CCND3: variants seen among roughly 807,000 people sequenced by gnomAD.
CCND3 encodes the protein G1/S-specific cyclin-D3.
In CCND3, 9 loss-of-function variants were observed where a neutral mutation model predicts 28.7. That is an observed-to-expected ratio of 0.31 (90% CI 0.19 to 0.55). CCND3 has a LOEUF of 0.55. Among genes scored for constraint, CCND3 ranks in the 20% least tolerant of loss-of-function variants. The probability of loss-of-function intolerance (pLI) is 0.93; values close to 1 mark genes in which losing one functional copy is unlikely to be tolerated. For synonymous variants in CCND3, 164 were observed against 163.9 expected (o/e 1.00, Z 0.00); for missense variants, 315 against 385.8 (o/e 0.82, Z 1.54).
intron 1 of CCND3, among the ~76,000 whole-genome samples, chr6:41,951,412 G>T (rs1776308452): frequency 7.5e-6 from 1 of 134,152 alleles, no homozygotes. Flanking sequence ...AAATTAGCCG[G>T]GCATGGTAGC....
intron 1 of CCND3, among the ~76,000 whole-genome samples, chr6:41,955,466 A>C (rs1776413570): frequency 6.6e-6 from 1 of 152,164 alleles, no homozygotes. Context: ...CTACATCAAC[A>C]GATACCAAAA....
chr6:42,000,520 G>C (rs1285705018), intron 1 of CCND3, among the ~76,000 whole-genome samples: 1 of 140,086 alleles, frequency 7.1e-6, no homozygotes, highest in Non-Finnish European at 1.5e-5. Context: ...GAGCCACCGC[G>C]CCCGGCCTGA....
At chr6:42,027,194 C>G (rs1258478202) in intron 1 of CCND3, among the ~76,000 whole-genome samples, 2 of 152,186 alleles carry the variant, frequency 1.3e-5, no homozygotes, top group African/African-American at 4.8e-5. Context: ...AATCCCAGCA[C>G]TTTGGGAGGC....
At chr6:41,982,091 G>A (rs1427854441) in intron 1 of CCND3, among the ~76,000 whole-genome samples, 3 of 151,616 alleles carry the variant, frequency 2.0e-5, no homozygotes, top group East Asian at 2.0e-4. Context: ...CCAACACTGA[G>A]AAACCCTGTC....
intron 1 of CCND3, among the ~76,000 whole-genome samples, chr6:41,971,174 TCC>T (rs1242065893): frequency 6.6e-6 from 1 of 152,192 alleles, no homozygotes; most frequent in African/African-American, 2.4e-5. Flanking sequence ...AGCCTCGGCA[TCC>T]CAAAGTGTTG....
At chr6:41,942,005 A>C (rs906095182), upstream of CCND3, among the ~76,000 whole-genome samples, 14 of 152,004 alleles carry the variant, frequency 9.2e-5, no homozygotes, top group Non-Finnish European at 1.8e-4. Context: ...CACCGGGTGC[A>C]GAGAACTTTC....
chr6:41,984,406 G>A (rs1219994765), intron 1 of CCND3, among the ~76,000 whole-genome samples: 1 of 152,132 alleles, frequency 6.6e-6, no homozygotes, highest in East Asian at 1.9e-4. Flanking sequence ...GAGTGCAATG[G>A]CACAATCTCT....
chr6:41,964,023 G>A (rs571467221), intron 1 of CCND3, among the ~76,000 whole-genome samples: 98 of 152,316 alleles, frequency 6.4e-4, no homozygotes, highest in African/African-American at 2.3e-3. Context: ...CTAGCCAGAG[G>A]GAAGTAATCA....
At chr6:42,040,486 G>GC (rs1220865391) in intron 1 of CCND3, among the ~76,000 whole-genome samples, 1 of 152,054 alleles carries the variant, frequency 6.6e-6, no homozygotes, top group Non-Finnish European at 1.5e-5. Flanking sequence ...CAGCCACCAG[G>GC]CTCTCAATAC....
chr6:41,987,054 C>T (rs1283308683), intron 1 of CCND3, among the ~76,000 whole-genome samples: 1 of 152,018 alleles, frequency 6.6e-6, no homozygotes, highest in Admixed American at 6.6e-5. Flanking sequence ...GTGTAAATTC[C>T]TAATGTATGC....
intron 1 of CCND3, among the ~76,000 whole-genome samples, chr6:41,957,477 G>A (rs1353257158): frequency 6.6e-6 from 1 of 152,120 alleles, no homozygotes; most frequent in Non-Finnish European, 1.5e-5. Flanking sequence ...CCTAGCTCCT[G>A]GCCCATCTGT....
rs151018237 is a variant in CCND3 at position 41,960,168 on chromosome 6, G to A, written c.-45-19583C>T. ...ATATTAATATGATTCCACTTATTTG[G>A]AACATCCAGAACAGGCAAATCTATA... On this transcript the variant is annotated intron_variant, in intron 1 of 4. Transcript: ENST00000372988. 2.7e-4 allele frequency among the ~76,000 whole-genome samples: 41 copies of A among 152,214 alleles called. 2 individuals are homozygous for A. In the East Asian group the frequency reaches 6.4e-3, roughly 24 times the overall value.
At chr6:41,964,508 G>A (rs1490047150) in intron 1 of CCND3, among the ~76,000 whole-genome samples, 1 of 151,892 alleles carries the variant, frequency 6.6e-6, no homozygotes, top group Non-Finnish European at 1.5e-5. Context: ...GAGTGTGTGT[G>A]TGTGTGAGTG....
chr6:42,028,051 G>A (rs773053842), intron 1 of CCND3, among the ~76,000 whole-genome samples: 11 of 152,306 alleles, frequency 7.2e-5, no homozygotes, highest in East Asian at 1.9e-4. Context: ...CCGGCCGCCC[G>A]TTATGAAATG....
In CCND3 at chr6:41,941,706, GACGGGCCGGAGAGC is replaced by G; in HGVS notation, c.-71_-58del. ...CGGGCTCGCGAGTCCCAAGGCAGGCGACGGGCCGGAGAGCGCGGGGCGCGGGTCTGGCGCTGGCG... is the reference window on the plus strand; with the variant it reads ...CGGGCTCGCGAGTCCCAAGGCAGGCGGCGGGGCGCGGGTCTGGCGCTGGCG... On this transcript the variant is annotated 5_prime_UTR_variant, in exon 1 of 5. Transcript: ENST00000372991. This position sits in a 1 kb window ranked among gnomAD's most constrained non-coding sequence, Gnocchi z 6.1. 8.1e-7 allele frequency: 1 copy of G among 1,229,962 alleles called. No homozygotes were observed. Among genetic ancestry groups the G allele is most frequent in the Non-Finnish European group, 1.0e-6 (1 of 962,064 alleles). 76.2% of individuals were successfully genotyped at this position (1,229,962 alleles called of 1,614,324 possible). A position where few individuals can be genotyped will look rare whatever the true frequency, so the allele number is the denominator to read the frequency against.
intron 1 of CCND3, among the ~76,000 whole-genome samples, chr6:42,034,294 C>T (rs1290444856): frequency 2.7e-5 from 4 of 150,826 alleles, no homozygotes; most frequent in African/African-American, 9.7e-5. Flanking sequence ...ATTACAGGTG[C>T]CCGCCACCAC....
Position 42,000,309 on chromosome 6 carries a change from G to A in CCND3, c.-46+48192C>T, listed in dbSNP as rs533983345. On this transcript the variant is annotated intron_variant, in intron 1 of 4. Coordinates refer to the CCND3 transcript ENST00000372988. ...GGTTGGAGTTCAGTGGCGCGATCTC[G>A]GCTCACTGCAAGCTCCGCCTCTCGG... Among the ~76,000 whole-genome samples, 13 of 119,464 alleles carry A rather than the reference G, an allele frequency of 1.1e-4. 1 individual carries two copies. Among genetic ancestry groups the A allele is most frequent in the Admixed American group, 2.3e-4 (2 of 8,770 alleles). The allele number at this position is 119,464 out of a possible 152,430, so 78.4% of individuals were successfully genotyped here. A position where few individuals can be genotyped will look rare whatever the true frequency, so the allele number is the denominator to read the frequency against.
At chr6:42,004,092 G>GTGTA (rs1763109252) in intron 1 of CCND3, among the ~76,000 whole-genome samples, 1 of 144,060 alleles carries the variant, frequency 6.9e-6, no homozygotes, top group Admixed American at 7.0e-5. Flanking sequence ...GTGTGTGTAT[G>GTGTA]TATTTTTTTT....
intron 1 of CCND3, among the ~76,000 whole-genome samples, chr6:42,026,411 C>T (rs1763878120): frequency 6.6e-6 from 1 of 152,086 alleles, no homozygotes; most frequent in Non-Finnish European, 1.5e-5. Flanking sequence ...GAGAATCAGA[C>T]CCTCCACCTT....
Sources: allele counts gnomAD v4.1 joint callset (sites outside exome capture counted in the v4.1 genomes callset), GRCh38; gene constraint gnomAD v4.1.1; non-coding constraint Gnocchi (gnomAD v3.1); transcripts MANE v1.5; gene names NCBI Gene and HGNC (gene_info 2026-07-23, HGNC 2026-07-21).